Variants in EDIL3 observed in about 807,000 individuals in gnomAD.
The protein encoded by EDIL3 is EGF like and discoidin domains 3, also known as EGF-like repeat and discoidin I-like domain-containing protein 3.
Under a neutral mutation model 67.4 loss-of-function variants are expected in EDIL3, and 37 were observed. The ratio of observed to expected loss-of-function variants is 0.55; its 90% confidence interval spans 0.42 to 0.72. The LOEUF is 0.72. EDIL3 is among the 30% of genes least tolerant of loss of function. EDIL3 has a pLI of 0.00. For synonymous variants in EDIL3, 195 were observed against 196.3 expected (o/e 0.99, Z 0.05); for missense variants, 527 against 586.3 (o/e 0.90, Z 1.04).
At chr5:84,363,081 A>G (rs906390321) in intron 1 of EDIL3, among the ~76,000 whole-genome samples, 1 of 152,158 alleles carries the variant, frequency 6.6e-6, no homozygotes, top group African/African-American at 2.4e-5. Flanking sequence ...ATATACCTTT[A>G]TAATAAAGTA....
At chr5:84,113,178 AC>A (rs1250767931) in intron 5 of EDIL3, among the ~76,000 whole-genome samples, 2 of 152,218 alleles carry the variant, frequency 1.3e-5, no homozygotes, top group Non-Finnish European at 2.9e-5. Flanking sequence ...AATGCTGAAT[AC>A]AAAAATAGAA....
chr5:84,159,393 TAGAATC>T (rs1748564024), intron 4 of EDIL3, among the ~76,000 whole-genome samples: 1 of 152,050 alleles, frequency 6.6e-6, no homozygotes, highest in Non-Finnish European at 1.5e-5. Flanking sequence ...TTAAATTAGC[TAGAATC>T]AGAAAATATG....
chr5:84,223,427 G>T lies in EDIL3; in HGVS notation c.226+6428C>A, dbSNP rs187746479. 3.5e-3 allele frequency among the ~76,000 whole-genome samples: 536 copies of T among 151,662 alleles called. 6 individuals are homozygous for T. Among genetic ancestry groups the T allele is most frequent in the African/African-American group, 0.012 (516 of 41,482 alleles). On this transcript the variant is annotated intron_variant, in intron 3 of 10. Transcript: ENST00000296591. ...TAATAGATAAGAAACTTATATAATG[G>T]AATATTATTAAGCCTTATAAAAGAA...
chr5:83,978,429 CTA>C (rs1158511806), intron 9 of EDIL3, among the ~76,000 whole-genome samples: 1 of 151,848 alleles, frequency 6.6e-6, no homozygotes, highest in Non-Finnish European at 1.5e-5. Flanking sequence ...TCAATTTACT[CTA>C]AAAGTCAGCA....
At chr5:83,964,110 T>TA (rs1206782961) in intron 9 of EDIL3, among the ~76,000 whole-genome samples, 1 of 151,886 alleles carries the variant, frequency 6.6e-6, no homozygotes, top group Non-Finnish European at 1.5e-5. Flanking sequence ...TAGTAAGATT[T>TA]AAAATCATCA....
chr5:83,988,461 G>C (rs567849380), intron 9 of EDIL3, among the ~76,000 whole-genome samples: 2 of 152,114 alleles, frequency 1.3e-5, no homozygotes, highest in Middle Eastern at 6.8e-3. Flanking sequence ...TCTATATTTG[G>C]TGTTTGTCCC....
intron 1 of EDIL3, among the ~76,000 whole-genome samples, chr5:84,350,136 T>C (rs1747325333): frequency 2.0e-5 from 3 of 152,106 alleles, no homozygotes; most frequent in Non-Finnish European, 4.4e-5. Flanking sequence ...CTTAAGGTAT[T>C]TATGTCTCAA....
chr5:84,232,244 G>C (rs984799659), intron 2 of EDIL3, among the ~76,000 whole-genome samples: 3 of 152,118 alleles, frequency 2.0e-5, no homozygotes, highest in South Asian at 2.1e-4. Flanking sequence ...AACTGGGGGA[G>C]AAAAGAAAGA....
intron 1 of EDIL3, among the ~76,000 whole-genome samples, chr5:84,375,487 G>A (rs1428363875): frequency 6.6e-6 from 1 of 151,960 alleles, no homozygotes; most frequent in African/African-American, 2.4e-5. Flanking sequence ...TTCTTAATGG[G>A]GTTATGTGGA....
intron 1 of EDIL3, among the ~76,000 whole-genome samples, chr5:84,300,918 G>A (rs1314971374): frequency 1.4e-5 from 2 of 139,452 alleles, no homozygotes; most frequent in South Asian, 2.3e-4. Context: ...AAATATACAT[G>A]CACACACAGA....
At chr5:84,080,454 G>A (rs1040728811) in intron 6 of EDIL3, among the ~76,000 whole-genome samples, 3 of 152,048 alleles carry the variant, frequency 2.0e-5, no homozygotes, top group Non-Finnish European at 4.4e-5. Flanking sequence ...CTGGCACTTT[G>A]GGCTGTTCTC....
intron 10 of EDIL3, among the ~76,000 whole-genome samples, chr5:83,952,756 T>C (rs1303324396): frequency 6.6e-6 from 1 of 151,832 alleles, no homozygotes; most frequent in Non-Finnish European, 1.5e-5. Flanking sequence ...CTACCCTTCA[T>C]GGTAGATATA....
intron 2 of EDIL3, among the ~76,000 whole-genome samples, chr5:84,252,309 G>A (rs1281449298): frequency 6.6e-6 from 1 of 151,836 alleles, no homozygotes; most frequent in East Asian, 1.9e-4. Flanking sequence ...GGCTAACACA[G>A]TGAAACCCCG....
At chr5:84,276,871 G>A (rs972374922) in intron 1 of EDIL3, among the ~76,000 whole-genome samples, 9 of 151,966 alleles carry the variant, frequency 5.9e-5, no homozygotes, top group African/African-American at 9.7e-5. Context: ...CACGCCTGCC[G>A]ATGATATACT....
chr5:84,182,622 C>T (rs1290907569), intron 3 of EDIL3, among the ~76,000 whole-genome samples: 2 of 152,122 alleles, frequency 1.3e-5, no homozygotes, highest in South Asian at 4.1e-4. Flanking sequence ...GAATCTATTT[C>T]TTCTTCTGAG....
rs1747993696 is a variant in EDIL3, at chr5:84,132,388, T to TTTTAAACATAATATATATTATATATA, written c.469+4852_469+4853insTATATATAATATATATTATGTTTAAA. Among the ~76,000 whole-genome samples, 8 of 44,858 alleles carry TTTTAAACATAATATATATTATATATA rather than the reference T, an allele frequency of 1.8e-4. No individual in the cohort carries two copies. In the South Asian group the frequency reaches 4.7e-3, roughly 27 times the overall value. The allele number at this position is 44,858 out of a possible 152,430, so 29.4% of individuals were successfully genotyped here. A position where few individuals can be genotyped will look rare whatever the true frequency, so the allele number is the denominator to read the frequency against. ...ATTATATATATTATATATAATATATTTTATATATAATATATATTTTAACAT... is the reference window on the plus strand; with the variant it reads ...ATTATATATATTATATATAATATATTTTTAAACATAATATATATTATATATATTATATATAATATATATTTTAACAT... On this transcript the variant is annotated intron_variant, in intron 5 of 10. Transcript: ENST00000296591.
rs756013675 is a variant in EDIL3, at chr5:84,358,592, C to CTTTTTT, written c.67+25710_67+25715dup. 1.0e-3 allele frequency among the ~76,000 whole-genome samples: 98 copies of CTTTTTT among 94,572 alleles called. 6 individuals are homozygous for CTTTTTT. Among genetic ancestry groups the CTTTTTT allele is most frequent in the African/African-American group, 3.4e-3 (87 of 25,324 alleles). 62.0% of individuals were successfully genotyped at this position (94,572 alleles called of 152,430 possible). A position where few individuals can be genotyped will look rare whatever the true frequency, so the allele number is the denominator to read the frequency against. ...GCATAAGACAGTATTCATTTTTATC[C>CTTTTTT]TTTTTTTTTTTTTTTTTTTTTTTTT... is the stretch of plus-strand genomic sequence containing the variant. On this transcript the variant is annotated intron_variant, in intron 1 of 10. Transcript: ENST00000296591.
chr5:84,139,949 A>T (rs1748160364), intron 4 of EDIL3, among the ~76,000 whole-genome samples: 1 of 152,180 alleles, frequency 6.6e-6, no homozygotes, highest in Admixed American at 6.6e-5. Context: ...AGAGAAGATG[A>T]AGGAGAGTGC....
rs765798822 is a variant in EDIL3, at chr5:83,953,026, C to T, written c.1294-9458G>A. On this transcript the variant is annotated intron_variant, in intron 10 of 10. Coordinates refer to ENST00000296591, the MANE Select transcript of EDIL3 (RefSeq NM_005711.5). ...GGATGCAGGGGTGGCAAAGTGGAATCGTACAGCTGAAGCAGGGTGCCTAGG... is the reference window on the plus strand; with the variant it reads ...GGATGCAGGGGTGGCAAAGTGGAATTGTACAGCTGAAGCAGGGTGCCTAGG... Among the ~76,000 whole-genome samples, 5 of 151,700 alleles carry T rather than the reference C, an allele frequency of 3.3e-5. No homozygotes were observed. In the South Asian group the frequency reaches 8.3e-4, roughly 25 times the overall value.
Sources: allele counts gnomAD v4.1 joint callset (sites outside exome capture counted in the v4.1 genomes callset), GRCh38; gene constraint gnomAD v4.1.1; transcripts MANE v1.5; gene names NCBI Gene and HGNC (gene_info 2026-07-23, HGNC 2026-07-21).